Variants in HORMAD2 observed in about 807,000 individuals in gnomAD.
The protein encoded by HORMAD2 is HORMA domain containing 2.
A neutral mutation model predicts 38.8 loss-of-function variants in HORMAD2; 45 were observed. The ratio of observed to expected loss-of-function variants is 1.16; its 90% CI spans 0.91 to 1.49. HORMAD2 has a LOEUF of 1.49. Among genes scored for constraint, HORMAD2 ranks in the 40% most tolerant of loss-of-function variants. The pLI, the probability that HORMAD2 is intolerant of heterozygous loss-of-function variation, is 0.00. For missense variants in HORMAD2, 338 were observed against 367.0 expected, an observed-to-expected ratio of 0.92 and a Z score of 0.65; for synonymous variants, 126 against 122.8, an observed-to-expected ratio of 1.03 and a Z score of -0.17.
intron 3 of HORMAD2, among the ~76,000 whole-genome samples, chr22:30,100,888 A>G (rs534786521): frequency 2.8e-4 from 43 of 152,248 alleles, no homozygotes; most frequent in Non-Finnish European, 4.8e-4. Context: ...ATGAGATACC[A>G]TCTCATGCCA....
intron 10 of HORMAD2, among the ~76,000 whole-genome samples, chr22:30,159,169 G>A (rs1321906530): frequency 2.0e-5 from 3 of 152,168 alleles, no homozygotes; most frequent in Non-Finnish European, 4.4e-5. Context: ...ATAAGGCGGA[G>A]AGTTTCAACT....
At chr22:30,143,477 A>G (rs1924218399) in intron 10 of HORMAD2, among the ~76,000 whole-genome samples, 1 of 151,732 alleles carries the variant, frequency 6.6e-6, no homozygotes, top group South Asian at 2.1e-4. Flanking sequence ...TCCTTTGAGC[A>G]CTTTGAATAT....
intron 10 of HORMAD2, among the ~76,000 whole-genome samples, chr22:30,154,830 A>C (rs564217624): frequency 1.3e-4 from 20 of 152,104 alleles, no homozygotes; most frequent in Non-Finnish European, 2.4e-4. Context: ...CACTTTTGGA[A>C]ACTGAGGCAG....
At chr22:30,097,454 A>C (rs1224188747) in intron 2 of HORMAD2, among the ~76,000 whole-genome samples, 1 of 152,234 alleles carries the variant, frequency 6.6e-6, no homozygotes, top group Admixed American at 6.5e-5. Context: ...AAAATTTAGC[A>C]GGAAGCTATT....
intron 10 of HORMAD2, among the ~76,000 whole-genome samples, chr22:30,168,886 G>A (rs1214035714): frequency 6.6e-6 from 1 of 151,896 alleles, no homozygotes; most frequent in East Asian, 1.9e-4. Flanking sequence ...ACCTACTCTT[G>A]GAACCCTTCA....
the HORMAD2 span, among the ~76,000 whole-genome samples, chr22:30,199,445 T>C: frequency 2.6e-5 from 4 of 152,208 alleles, no homozygotes; most frequent in African/African-American, 9.7e-5. Flanking sequence ...AAGGAGATTC[T>C]CTTTAGTTTT....
intron 10 of HORMAD2, among the ~76,000 whole-genome samples, chr22:30,159,478 A>G (rs1455101910): frequency 6.6e-6 from 1 of 152,204 alleles, no homozygotes; most frequent in Non-Finnish European, 1.5e-5. Flanking sequence ...GTATATTCCA[A>G]ATGTTTGGTT....
At chr22:30,132,759 TC>T (rs1336303638) in intron 10 of HORMAD2, among the ~76,000 whole-genome samples, 4 of 152,254 alleles carry the variant, frequency 2.6e-5, no homozygotes, top group African/African-American at 9.6e-5. Context: ...ATAAGTCATT[TC>T]TTTTTTTATA....
At chr22:30,136,433 C>T (rs966996689) in intron 10 of HORMAD2, among the ~76,000 whole-genome samples, 2 of 152,050 alleles carry the variant, frequency 1.3e-5, no homozygotes, top group African/African-American at 4.8e-5. Flanking sequence ...TGAAAAAAAC[C>T]CGTATTCTTT....
At chr22:30,140,894 G>A (rs193252968) in intron 10 of HORMAD2, among the ~76,000 whole-genome samples, 7 of 152,190 alleles carry the variant, frequency 4.6e-5, no homozygotes, top group Admixed American at 4.6e-4. Context: ...TCTTAATATA[G>A]GCATTTACAG....
At chr22:30,092,682 A>G (rs2068711990) in intron 1 of HORMAD2, among the ~76,000 whole-genome samples, 1 of 152,152 alleles carries the variant, frequency 6.6e-6, no homozygotes. Context: ...GGTGAGAGAC[A>G]GGGGTCTCTC....
At chr22:30,175,499 G>A (rs564320805) in intron 10 of HORMAD2, among the ~76,000 whole-genome samples, 37 of 151,062 alleles carry the variant, frequency 2.4e-4, no homozygotes, top group African/African-American at 8.5e-4. Flanking sequence ...ACCCAGTTAA[G>A]CAAAAATAAG....
chr22:30,093,686 G>T (rs1035009962), intron 1 of HORMAD2, among the ~76,000 whole-genome samples: 3 of 152,110 alleles, frequency 2.0e-5, no homozygotes, highest in Non-Finnish European at 2.9e-5. Flanking sequence ...TTATCGTTTA[G>T]ATAGAGCCTG....
At chr22:30,168,471 T>C (rs1177765139) in intron 10 of HORMAD2, among the ~76,000 whole-genome samples, 1 of 152,200 alleles carries the variant, frequency 6.6e-6, no homozygotes, top group African/African-American at 2.4e-5. Flanking sequence ...GACATCTTCA[T>C]TTGGATACCT....
chr22:30,194,756 T>C, the HORMAD2 span, among the ~76,000 whole-genome samples: 6 of 152,042 alleles, frequency 3.9e-5, no homozygotes, highest in Admixed American at 1.3e-4. Context: ...ATCTTGAAGG[T>C]TTCTGAGCAG....
chr22:30,123,885 A>T (rs1922637722), intron 10 of HORMAD2, among the ~76,000 whole-genome samples: 1 of 150,540 alleles, frequency 6.6e-6, no homozygotes, highest in Non-Finnish European at 1.5e-5. Flanking sequence ...GTCCAGGCTG[A>T]TCTTGAACTC....
chr22:30,097,047 A>G (rs903796448), intron 2 of HORMAD2, among the ~76,000 whole-genome samples: 1 of 152,214 alleles, frequency 6.6e-6, no homozygotes, highest in African/African-American at 2.4e-5. Flanking sequence ...ATTATAATGT[A>G]TTGACACAAC....
chr22:30,112,564 AT>A, intron 7 of HORMAD2, 42 bp downstream of exon 7: 1 of 890,910 alleles, frequency 1.1e-6, no homozygotes, highest in Non-Finnish European at 1.6e-6. Flanking sequence ...GTATATGTAT[AT>A]TATATTTTAA....
chr22:30,169,710 C>T (rs1248602189), intron 10 of HORMAD2, among the ~76,000 whole-genome samples: 14 of 152,298 alleles, frequency 9.2e-5, no homozygotes, highest in East Asian at 5.8e-4. Flanking sequence ...ACATCTAATT[C>T]GGAATCTTAA....
Sources: gnomAD v4.1 joint callset for allele counts (sites outside exome capture counted in the v4.1 genomes callset) on GRCh38, gnomAD v4.1.1 for gene constraint, MANE v1.5 for transcripts, NCBI Gene and HGNC (gene_info 2026-07-23, HGNC 2026-07-21) for gene names.